Variants in SH3BP5 observed in about 807,000 individuals in gnomAD.
The protein encoded by SH3BP5 is SH3 domain binding protein 5, also known as SH3 domain-binding protein 5.
In SH3BP5, 22 loss-of-function variants were observed where a neutral mutation model predicts 43.3. The ratio of observed to expected loss-of-function variants is 0.51; its 90% CI spans 0.36 to 0.73. The LOEUF is 0.73. Ranked by LOEUF, SH3BP5 falls within the 30% of genes least tolerant of loss-of-function variation. The pLI, the probability that SH3BP5 is intolerant of heterozygous loss-of-function variation, is 0.00. For synonymous variants in SH3BP5, 255 were observed against 225.8 expected, an observed-to-expected ratio of 1.13 and a Z score of -1.16; for missense variants, 529 against 586.9, an observed-to-expected ratio of 0.90 and a Z score of 1.02.
At chr3:15,291,010 C>A (rs1697397393) in intron 3 of SH3BP5, among the ~76,000 whole-genome samples, 1 of 152,142 alleles carries the variant, frequency 6.6e-6, no homozygotes, top group South Asian at 2.1e-4. Flanking sequence ...GTTGATGTGG[C>A]CTCCCATGAA....
At chr3:15,335,690 A>G (rs1167372873), upstream of SH3BP5, among the ~76,000 whole-genome samples, 2 of 152,222 alleles carry the variant, frequency 1.3e-5, no homozygotes, top group Non-Finnish European at 2.9e-5. Context: ...AGATTTTAGC[A>G]TTGCAGGGGT....
At chr3:15,256,684 A>C (rs1696215033) in intron 8 of SH3BP5, 169 bp downstream of exon 8, 1 of 778,098 alleles carries the variant, frequency 1.3e-6, no homozygotes, top group African/African-American at 1.8e-5. Flanking sequence ...GAGCCCCCCC[A>C]GAACAGCACT....
intron 3 of SH3BP5, among the ~76,000 whole-genome samples, chr3:15,270,474 C>T (rs1210044479): frequency 1.3e-5 from 2 of 152,186 alleles, no homozygotes; most frequent in African/African-American, 4.8e-5. Context: ...ACACCAGCGA[C>T]AGGCCAAGTA....
chr3:15,316,670 G>C (rs1157910354), intron 2 of SH3BP5, among the ~76,000 whole-genome samples: 1 of 151,908 alleles, frequency 6.6e-6, no homozygotes, highest in Admixed American at 6.6e-5. Flanking sequence ...GTGTGAGATA[G>C]GCCATCCTCG....
At chr3:15,278,010 A>C (rs1286210926) in intron 3 of SH3BP5, among the ~76,000 whole-genome samples, 1 of 152,164 alleles carries the variant, frequency 6.6e-6, no homozygotes, top group Non-Finnish European at 1.5e-5. Flanking sequence ...GACCCGGAGG[A>C]AAGAGAAGCC....
chr3:15,329,227 G>C (rs1698540702), intron 2 of SH3BP5, among the ~76,000 whole-genome samples: 1 of 152,162 alleles, frequency 6.6e-6, no homozygotes, highest in Non-Finnish European at 1.5e-5. Context: ...ATAGCTCTAG[G>C]CTGGTGTGAC....
intron 2 of SH3BP5, among the ~76,000 whole-genome samples, chr3:15,326,545 C>T (rs371512217): frequency 1.0e-3 from 156 of 152,340 alleles, no homozygotes; most frequent in African/African-American, 3.5e-3. Context: ...TGAAAGTAGA[C>T]TATCTCATTA....
intron 3 of SH3BP5, among the ~76,000 whole-genome samples, chr3:15,297,240 C>T (rs1697602723): frequency 6.6e-6 from 1 of 152,088 alleles, no homozygotes; most frequent in South Asian, 2.1e-4. Context: ...TCATCATTTT[C>T]GATCCTCCAG....
chr3:15,289,525 C>A (rs887805044), intron 3 of SH3BP5, among the ~76,000 whole-genome samples: 1 of 152,176 alleles, frequency 6.6e-6, no homozygotes, highest in African/African-American at 2.4e-5. Flanking sequence ...GCACTAATTC[C>A]GGACTGCCTA....
chr3:15,274,557 G>A (rs961097919), intron 3 of SH3BP5, among the ~76,000 whole-genome samples: 6 of 151,970 alleles, frequency 3.9e-5, no homozygotes, highest in Non-Finnish European at 7.4e-5. Context: ...ATAGTGGTGC[G>A]ATCTTGGCTC....
At chr3:15,330,887 A>T (rs1698593724) in intron 1 of SH3BP5, 1 of 257,692 alleles carries the variant, frequency 3.9e-6, no homozygotes, top group African/African-American at 2.3e-5. Flanking sequence ...TAATCAAAAC[A>T]GTACCATCTG....
Position 15,258,957 on chromosome 3 carries a change from C to G in SH3BP5, c.763G>C (p.Asp255His), listed in dbSNP as rs1326756158. Reference protein sequence around the residue: ...MALKNLEMISDEIHERRRSSA... With the variant: ...MALKNLEMISHEIHERRRSSA... Reference sequence around the variant, plus strand: ...GAGCGCCGCCGCTCGTGGATCTCATCTGAGATCATCTCCAGGTTCTTCAGG... The same window carrying G: ...GAGCGCCGCCGCTCGTGGATCTCATGTGAGATCATCTCCAGGTTCTTCAGG... Residue 255 changes from aspartate (D) to histidine (H), a missense_variant, in exon 7 of 9, where the codon GAT becomes CAT. Transcript: ENST00000383791. 13 of 1,614,000 alleles carry G rather than the reference C, an allele frequency of 8.1e-6. No homozygotes were observed. Among genetic ancestry groups the G allele is most frequent in the Non-Finnish European group, 9.3e-6 (11 of 1,179,946 alleles).
At chr3:15,324,604 G>T (rs1575351966) in intron 2 of SH3BP5, among the ~76,000 whole-genome samples, 2 of 136,934 alleles carry the variant, frequency 1.5e-5, no homozygotes, top group Non-Finnish European at 3.2e-5. Flanking sequence ...GTCTATCTAT[G>T]CTTCAAACAT....
At chr3:15,276,210 C>T (rs927646670) in intron 3 of SH3BP5, among the ~76,000 whole-genome samples, 3 of 151,916 alleles carry the variant, frequency 2.0e-5, no homozygotes, top group Non-Finnish European at 4.4e-5. Flanking sequence ...GACTCAACTT[C>T]CACTGTTGCC....
chr3:15,292,995 C>T (rs1404350525), intron 3 of SH3BP5, among the ~76,000 whole-genome samples: 2 of 152,188 alleles, frequency 1.3e-5, no homozygotes, highest in Non-Finnish European at 2.9e-5. Flanking sequence ...GAGCCTTTGA[C>T]CTGGGTCAAA....
At chr3:15,288,693 T>C (rs548206550) in intron 3 of SH3BP5, among the ~76,000 whole-genome samples, 1 of 152,220 alleles carries the variant, frequency 6.6e-6, no homozygotes, top group East Asian at 1.9e-4. Flanking sequence ...TGAGCCGGGA[T>C]TGCACCACTG....
chr3:15,336,186 A>T (rs1428350766), upstream of SH3BP5, among the ~76,000 whole-genome samples: 1 of 152,164 alleles, frequency 6.6e-6, no homozygotes, highest in Non-Finnish European at 1.5e-5. Flanking sequence ...CTTTTGGGGG[A>T]AAAGCACTCC....
rs114898797 is a variant in SH3BP5, at chr3:15,257,342, A to G, written c.890-229T>C. The G allele has an allele frequency of 2.0e-3, 982 of 498,180 alleles. 13 individuals are homozygous for G. Among genetic ancestry groups the G allele is most frequent in the African/African-American group, 0.015 (780 of 52,242 alleles). The allele number at this position is 498,180 out of a possible 1,614,324, so 30.9% of individuals were successfully genotyped here. A position where few individuals can be genotyped will look rare whatever the true frequency, so the allele number is the denominator to read the frequency against. ...CCCATGGATATTAAGCGCCCTTCCA[A>G]TAACCTTATAACCCTGCCAAGAAAT... On this transcript the variant is annotated intron_variant, in intron 7 of 8. Transcript: ENST00000383791.
intron 2 of SH3BP5, among the ~76,000 whole-genome samples, chr3:15,327,782 A>C (rs1232704163): frequency 6.6e-6 from 1 of 152,232 alleles, no homozygotes; most frequent in Non-Finnish European, 1.5e-5. Context: ...TTGTGACAGA[A>C]AACACCTATT....
Sources: gnomAD v4.1 joint callset for allele counts (sites outside exome capture counted in the v4.1 genomes callset) on GRCh38, gnomAD v4.1.1 for gene constraint, MANE v1.5 for transcripts, NCBI Gene and HGNC (gene_info 2026-07-23, HGNC 2026-07-21) for gene names.